Variants in ECPAS observed in about 807,000 individuals in gnomAD.
The protein encoded by ECPAS is Ecm29 proteasome adaptor and scaffold, also known as proteasome adapter and scaffold protein ECM29.
Under a neutral mutation model 255.1 loss-of-function variants are expected in ECPAS, and 70 were observed. That is an observed-to-expected ratio of 0.27 (90% CI 0.23 to 0.33). ECPAS has a LOEUF of 0.33. ECPAS is among the 10% of genes least tolerant of loss of function. ECPAS has a pLI of 1.00. For synonymous variants in ECPAS, 784 were observed against 775.0 expected (o/e 1.01, Z -0.19); for missense variants, 1,817 against 2,206.4 (o/e 0.82, Z 3.54).
chr9:111,481,055 C>A (rs769633730), intron 1 of ECPAS, among the ~76,000 whole-genome samples: 1 of 152,088 alleles, frequency 6.6e-6, no homozygotes, highest in Non-Finnish European at 1.5e-5. Flanking sequence ...TGTCATACAG[C>A]ATAGCAATTG....
chr9:111,400,102 T>G (rs1195681438), intron 24 of ECPAS, among the ~76,000 whole-genome samples: 1 of 152,198 alleles, frequency 6.6e-6, no homozygotes, highest in African/African-American at 2.4e-5. Context: ...AGCAAGAAAC[T>G]TTGCCTGGGA....
chr9:111,415,678 G>A (rs1475824225), intron 18 of ECPAS, among the ~76,000 whole-genome samples: 4 of 150,660 alleles, frequency 2.7e-5, no homozygotes, highest in African/African-American at 9.8e-5. Flanking sequence ...ACTCCAGCAC[G>A]GGCAACAGAG....
intron 2 of ECPAS, among the ~76,000 whole-genome samples, chr9:111,455,832 T>C (rs1223333908): frequency 6.6e-6 from 1 of 152,224 alleles, no homozygotes; most frequent in Admixed American, 6.5e-5. Flanking sequence ...CAGAAGATTC[T>C]TGGAAGCTTG....
chr9:111,430,992 T>C (rs2098229051), intron 8 of ECPAS, among the ~76,000 whole-genome samples: 1 of 152,178 alleles, frequency 6.6e-6, no homozygotes, highest in Admixed American at 6.5e-5. Context: ...CAAAGAGGCC[T>C]GGGGCAGGGT....
At chr9:111,426,263 A>G (rs1427316880) in intron 10 of ECPAS, among the ~76,000 whole-genome samples, 1 of 152,146 alleles carries the variant, frequency 6.6e-6, no homozygotes, top group Non-Finnish European at 1.5e-5. Flanking sequence ...CAAAAAGATC[A>G]TGCAGATGAG....
At chr9:111,397,004 A>T in intron 25 of ECPAS, 26 bp downstream of exon 25, 1 of 1,613,270 alleles carries the variant, frequency 6.2e-7, no homozygotes, top group African/African-American at 1.3e-5. Context: ...TGATCATTAT[A>T]AATCGATTAG....
At chr9:111,431,103 A>T (rs1402839729) in intron 8 of ECPAS, among the ~76,000 whole-genome samples, 5 of 152,202 alleles carry the variant, frequency 3.3e-5, no homozygotes, top group Admixed American at 1.3e-4. Flanking sequence ...GAAGCTTGCA[A>T]GCCACCGTAT....
intron 24 of ECPAS, among the ~76,000 whole-genome samples, chr9:111,399,197 G>GA (rs964866569): frequency 4.0e-4 from 60 of 150,154 alleles, no homozygotes; most frequent in African/African-American, 1.2e-3. Flanking sequence ...TTAAAATTGA[G>GA]AAAAAAAAAG....
intron 10 of ECPAS, among the ~76,000 whole-genome samples, chr9:111,427,414 T>C (rs1336561111): frequency 6.6e-6 from 1 of 152,142 alleles, no homozygotes; most frequent in Non-Finnish European, 1.5e-5. Context: ...AATGATACCA[T>C]TTTTGGAGAA....
chr9:111,444,506 A>G lies in ECPAS; in HGVS notation c.154-12T>C. ...AGCAGTTCCATTACCTAAAATACAG[A>G]GAGATGGGAACTAAAGTTATTGATC... On this transcript the variant is annotated splice_polypyrimidine_tract_variant and intron_variant, in intron 3 of 49. Transcript: ENST00000684092. 1 of 1,531,416 alleles carries G rather than the reference A, an allele frequency of 6.5e-7. No individual in the cohort carries two copies. Among genetic ancestry groups the G allele is most frequent in the South Asian group, 1.1e-5 (1 of 88,152 alleles). The allele number at this position is 1,531,416 out of a possible 1,614,324, so 94.9% of individuals were successfully genotyped here.
intron 1 of ECPAS, among the ~76,000 whole-genome samples, chr9:111,483,086 G>A (rs1171945581): frequency 2.0e-5 from 3 of 152,186 alleles, no homozygotes; most frequent in Non-Finnish European, 4.4e-5. Flanking sequence ...CTTCCCGAAA[G>A]CTCCATTTCT....
At chr9:111,376,421 A>C (rs2098133418) in intron 37 of ECPAS, 55 bp downstream of exon 37, 11 of 1,379,148 alleles carry the variant, frequency 8.0e-6, no homozygotes, top group Non-Finnish European at 1.0e-5. Context: ...GACTTTGAAG[A>C]ATTACACTTT....
rs1035029196 is a variant in ECPAS at position 111,410,310 on chromosome 9, A to T, written c.2378-97T>A. 8.1e-6 allele frequency: 8 copies of T among 987,328 alleles called. No homozygotes were observed. The East Asian group carries it at 1.1e-4, about 13-fold the overall frequency. 61.2% of individuals were successfully genotyped at this position (987,328 alleles called of 1,614,324 possible). A position where few individuals can be genotyped will look rare whatever the true frequency, so the allele number is the denominator to read the frequency against. ...CTCAAGGTTTTTTTTAAGACGGCAA[A>T]ATAAAATCAAAGTGTACGATATCTT... On this transcript the variant is annotated intron_variant, in intron 22 of 49. Transcript: ENST00000684092.
At chr9:111,467,145 A>G (rs2098280550) in intron 2 of ECPAS, among the ~76,000 whole-genome samples, 1 of 152,186 alleles carries the variant, frequency 6.6e-6, no homozygotes, top group African/African-American at 2.4e-5. Flanking sequence ...TAAACCTACA[A>G]TTACTTATTT....
At chr9:111,380,548 C>G (rs1243841403) in intron 35 of ECPAS, among the ~76,000 whole-genome samples, 1 of 152,214 alleles carries the variant, frequency 6.6e-6, no homozygotes, top group Non-Finnish European at 1.5e-5. Context: ...AACTTAGTCA[C>G]CAGCTGCATT....
Position 111,387,791 on chromosome 9 carries a change from CTCA to C in ECPAS, c.3448-1338_3448-1336del, listed in dbSNP as rs200770135. 7.6e-4 allele frequency among the ~76,000 whole-genome samples: 111 copies of C among 146,802 alleles called. 1 individual carries two copies. Among genetic ancestry groups the C allele is most frequent in the African/African-American group, 2.7e-3 (97 of 36,552 alleles). On this transcript the variant is annotated intron_variant, in intron 31 of 49. Coordinates refer to ENST00000684092, the MANE Select transcript of ECPAS (RefSeq NM_001364929.1). ...GCAGTTATTGAGGGACAGAGTCTCA[CTCA>C]TCATCAGTGCAGTTATTGAGGGACA...
chr9:111,409,284 C>T (rs1033858851), intron 23 of ECPAS, among the ~76,000 whole-genome samples: 3 of 152,162 alleles, frequency 2.0e-5, no homozygotes, highest in South Asian at 4.1e-4. Context: ...TTAGGCCAGG[C>T]TCGGTGGCTC....
At chr9:111,435,846 ATTT>A (rs201323788) in intron 7 of ECPAS, among the ~76,000 whole-genome samples, 1 of 127,544 alleles carries the variant, frequency 7.8e-6, no homozygotes. Flanking sequence ...CGCCCAGCTA[ATTT>A]TTTTTTTTTT....
At chr9:111,448,410 A>T (rs915543017) in intron 3 of ECPAS, among the ~76,000 whole-genome samples, 1 of 152,170 alleles carries the variant, frequency 6.6e-6, no homozygotes, top group East Asian at 1.9e-4. Context: ...CTTAAATGGA[A>T]TTCAAAAGAT....
Sources: gnomAD v4.1 joint callset for allele counts (sites outside exome capture counted in the v4.1 genomes callset) on GRCh38, gnomAD v4.1.1 for gene constraint, MANE v1.5 for transcripts, NCBI Gene and HGNC (gene_info 2026-07-23, HGNC 2026-07-21) for gene names.